RUNDC3B: variants seen among roughly 807,000 people sequenced by gnomAD.
The protein encoded by RUNDC3B is RUN domain containing 3B.
Under a neutral mutation model 58.4 loss-of-function variants are expected in RUNDC3B, and 33 were observed. The ratio of observed to expected loss-of-function variants is 0.56; its 90% CI spans 0.43 to 0.75. The LOEUF (loss-of-function observed/expected upper bound fraction) is 0.75. Ranked by LOEUF, RUNDC3B falls within the 30% of genes least tolerant of loss-of-function variation. RUNDC3B has a pLI of 0.00. For synonymous variants in RUNDC3B, 193 were observed against 195.2 expected (o/e 0.99, Z 0.10); for missense variants, 501 against 535.7 (o/e 0.94, Z 0.64).
intron 2 of RUNDC3B, among the ~76,000 whole-genome samples, chr7:87,684,293 A>C (rs1346233105): frequency 1.3e-5 from 2 of 152,172 alleles, no homozygotes; most frequent in African/African-American, 4.8e-5. Flanking sequence ...GCAATCTCAA[A>C]GTTTTAGAAG....
At chr7:87,644,454 G>A (rs1035359470) in intron 1 of RUNDC3B, among the ~76,000 whole-genome samples, 8 of 152,150 alleles carry the variant, frequency 5.3e-5, no homozygotes, top group African/African-American at 1.9e-4. Flanking sequence ...TTGAAATAGT[G>A]GAGAGTTCTC....
intron 3 of RUNDC3B, 29 bp downstream of exon 3, chr7:87,700,583 A>G (rs1242660721): frequency 6.9e-7 from 1 of 1,453,016 alleles, no homozygotes; most frequent in African/African-American, 1.4e-5. Flanking sequence ...ACTCGTTTCT[A>G]TTTTTTTTTT....
At chr7:87,760,046 G>A (rs1287898001) in intron 6 of RUNDC3B, among the ~76,000 whole-genome samples, 5 of 151,080 alleles carry the variant, frequency 3.3e-5, no homozygotes, top group Non-Finnish European at 5.9e-5. Flanking sequence ...GTTTATAGTT[G>A]GGTTTTGTTC....
At chr7:87,638,949 G>T (rs1434829270) in intron 1 of RUNDC3B, among the ~76,000 whole-genome samples, 1 of 152,004 alleles carries the variant, frequency 6.6e-6, no homozygotes, top group East Asian at 1.9e-4. Flanking sequence ...TCAGGAGATC[G>T]AGACTATCCT....
chr7:87,671,933 C>G (rs1252093148), intron 2 of RUNDC3B, among the ~76,000 whole-genome samples: 1 of 152,054 alleles, frequency 6.6e-6, no homozygotes, highest in East Asian at 1.9e-4. Context: ...TGCTGGAGGC[C>G]CTGGTTGGGA....
intron 7 of RUNDC3B, among the ~76,000 whole-genome samples, chr7:87,774,712 T>G (rs900982354): frequency 6.6e-6 from 1 of 152,218 alleles, no homozygotes; most frequent in Admixed American, 6.5e-5. Context: ...CAAAAAAAAC[T>G]ATTATGTATT....
intron 8 of RUNDC3B, among the ~76,000 whole-genome samples, chr7:87,784,683 G>T (rs1463354572): frequency 6.6e-6 from 1 of 151,050 alleles, no homozygotes; most frequent in Non-Finnish European, 1.5e-5. Context: ...ATAGTGCTTT[G>T]GGGGAGGGAG....
At chr7:87,766,596 T>C (rs1446635458) in intron 6 of RUNDC3B, among the ~76,000 whole-genome samples, 3 of 152,168 alleles carry the variant, frequency 2.0e-5, no homozygotes, top group African/African-American at 7.2e-5. Flanking sequence ...TCATAAGGTT[T>C]CTTCTGAGAA....
chr7:87,801,898 G>C (rs900474920), intron 8 of RUNDC3B, among the ~76,000 whole-genome samples: 16 of 152,192 alleles, frequency 1.1e-4, no homozygotes, highest in African/African-American at 2.4e-5. Context: ...GAACAAGTGA[G>C]ATATAGAAAG....
At chr7:87,807,582 C>G in intron 9 of RUNDC3B, 63 bp downstream of exon 9, 2 of 1,214,152 alleles carry the variant, frequency 1.6e-6, no homozygotes, top group Non-Finnish European at 2.4e-6. Flanking sequence ...ATATGGCTAT[C>G]TACTTTGGTT....
intron 8 of RUNDC3B, 125 bp from the exon 9 acceptor site, chr7:87,807,248 G>A: frequency 1.3e-6 from 1 of 783,510 alleles, no homozygotes; most frequent in Admixed American, 2.4e-5. Flanking sequence ...CTGTAGTTCT[G>A]TTCACAATCT....
chr7:87,675,422 T>G (rs1229000763), intron 2 of RUNDC3B, among the ~76,000 whole-genome samples: 1 of 152,130 alleles, frequency 6.6e-6, no homozygotes, highest in Non-Finnish European at 1.5e-5. Flanking sequence ...GAAACAAAGC[T>G]GAAGGCATTA....
rs1170329239 is a variant in RUNDC3B at position 87,715,395 on chromosome 7, TA to T, written c.458+4741del. Among the ~76,000 whole-genome samples the T allele has an allele frequency of 4.6e-4, 58 of 125,904 alleles. No individual in the cohort carries two copies. The East Asian group carries it at 0.012, about 25-fold the overall frequency. The allele number at this position is 125,904 out of a possible 152,430, so 82.6% of individuals were successfully genotyped here. Reference sequence around the variant, plus strand: ...TAATTATATAATCAATATAATATAATATATTTAATATTTAATATAATATATT... The same window carrying T: ...TAATTATATAATCAATATAATATAATTATTTAATATTTAATATAATATATT... On this transcript the variant is annotated intron_variant, in intron 4 of 10. Transcript: ENST00000394654.
chr7:87,670,806 A>G (rs1473140364), intron 2 of RUNDC3B, among the ~76,000 whole-genome samples: 4 of 152,146 alleles, frequency 2.6e-5, no homozygotes, highest in Non-Finnish European at 5.9e-5. Flanking sequence ...CTTTTTGGTC[A>G]GTTGGTAGAC....
At chr7:87,739,547 CAG>C (rs978776723) in intron 4 of RUNDC3B, among the ~76,000 whole-genome samples, 12 of 152,100 alleles carry the variant, frequency 7.9e-5, no homozygotes, top group Admixed American at 2.0e-4. Flanking sequence ...GAGCTGGAAA[CAG>C]AGAATTCTTT....
Position 87,830,005 on chromosome 7 carries a change from C to T in RUNDC3B, c.1346C>T (p.Thr449Ile), listed in dbSNP as rs749176024. 1.2e-6 allele frequency: 2 copies of T among 1,606,978 alleles called. No homozygotes were observed. The highest frequency in any genetic ancestry group is 2.2e-5 in the South Asian group (2 of 89,878). Residue 449 changes from threonine (T) to isoleucine (I), a missense_variant, in exon 11 of 11, where the codon ACA becomes ATA. Physicochemically the swap from Thr to Ile is moderately conservative, Grantham distance 89. Transcript: ENST00000394654. Reference protein sequence around the residue: ...DYLASPTTEMTSPGLTPS With the variant: ...DYLASPTTEMISPGLTPS ...CTTGCAAGTCCTACAACAGAGATGA[C>T]AAGTCCAGGCCTAACTCCATCCTGA...
At chr7:87,753,522 G>T (rs191215012) in intron 6 of RUNDC3B, among the ~76,000 whole-genome samples, 1 of 152,238 alleles carries the variant, frequency 6.6e-6, no homozygotes, top group East Asian at 1.9e-4. Flanking sequence ...TCTCTTTGTA[G>T]GTCACTCAGG....
intron 8 of RUNDC3B, 93 bp from the exon 9 acceptor site, chr7:87,807,280 G>T: frequency 8.4e-7 from 1 of 1,190,106 alleles, no homozygotes; most frequent in South Asian, 1.4e-5. Flanking sequence ...AATTTTATAA[G>T]ATAAATTTTG....
At chr7:87,769,534 C>G (rs1247061064) in intron 6 of RUNDC3B, among the ~76,000 whole-genome samples, 1 of 152,080 alleles carries the variant, frequency 6.6e-6, no homozygotes, top group African/African-American at 2.4e-5. Context: ...CAAGGTAATA[C>G]AGACTATTTT....
Sources: allele counts gnomAD v4.1 joint callset (sites outside exome capture counted in the v4.1 genomes callset), GRCh38; gene constraint gnomAD v4.1.1; transcripts MANE v1.5; gene names NCBI Gene and HGNC (gene_info 2026-07-23, HGNC 2026-07-21).